ADAM10: variants seen among roughly 807,000 people sequenced by gnomAD.
The protein encoded by ADAM10 is disintegrin and metalloproteinase domain-containing protein 10.
A neutral mutation model predicts 90.1 loss-of-function variants in ADAM10; 17 were observed. The ratio of observed to expected loss-of-function variants is 0.19; its 90% confidence interval spans 0.13 to 0.28. The LOEUF is 0.28. Among genes scored for constraint, ADAM10 ranks in the 10% least tolerant of loss-of-function variants. ADAM10 has a pLI of 1.00. For missense variants in ADAM10, 610 were observed against 914.3 expected (o/e 0.67, Z 4.29); for synonymous variants, 310 against 298.6 (o/e 1.04, Z -0.40).
rs371444896 is a variant in ADAM10 at position 58,644,523 on chromosome 15, C to G, written c.736-545G>C. On this transcript the variant is annotated intron_variant, in intron 6 of 15. Transcript: ENST00000260408. ...GCATTACAGGCATGAGCCACCACAA[C>G]TGGCCTAAACATATACTCTTGTTTC... is the stretch of plus-strand genomic sequence containing the variant. 7.0e-4 allele frequency among the ~76,000 whole-genome samples: 106 copies of G among 152,332 alleles called. 2 individuals carry two copies. The Middle Eastern group carries it at 0.017, about 24-fold the overall frequency.
At chr15:58,664,675 T>C (rs1242079243) in intron 5 of ADAM10, among the ~76,000 whole-genome samples, 1 of 152,092 alleles carries the variant, frequency 6.6e-6, no homozygotes, top group Non-Finnish European at 1.5e-5. Context: ...AAAAAATAAT[T>C]AAAATACGAA....
intron 15 of ADAM10, among the ~76,000 whole-genome samples, chr15:58,599,038 A>G (rs1219064247): frequency 6.6e-6 from 1 of 152,160 alleles, no homozygotes; most frequent in Admixed American, 6.5e-5. Flanking sequence ...TAAAAACGAT[A>G]AGAGAGCTGG....
chr15:58,688,708 T>C (rs1467099479), intron 2 of ADAM10, among the ~76,000 whole-genome samples: 1 of 140,162 alleles, frequency 7.1e-6, no homozygotes, highest in Non-Finnish European at 1.5e-5. Flanking sequence ...GGGAAAGGAA[T>C]GAGAGGGGAG....
chr15:58,738,978 C>A (rs1899516609), intron 1 of ADAM10, among the ~76,000 whole-genome samples: 1 of 152,140 alleles, frequency 6.6e-6, no homozygotes. Flanking sequence ...CCACTCCCTG[C>A]ATTTCATCTT....
chr15:58,590,305 C>T lies in ADAM10; in HGVS notation c.*7242G>A, dbSNP rs1015748131. The T allele has an allele frequency of 4.6e-5, 7 of 152,222 alleles. No individual in the cohort carries two copies. The highest frequency in any genetic ancestry group is 8.8e-5 in the Non-Finnish European group (6 of 68,054). The allele number at this position is 152,222 out of a possible 1,614,324, so 9.4% of individuals were successfully genotyped here. A position where few individuals can be genotyped will look rare whatever the true frequency, so the allele number is the denominator to read the frequency against. ...AGCATGTATCACAGCTGGAATTGTA[C>T]ATTTATTCACATGATTATCTGATAT... On this transcript the variant is annotated 3_prime_UTR_variant, in exon 16 of 16. Transcript: ENST00000260408.
chr15:58,660,027 C>T (rs1441517521), intron 5 of ADAM10, among the ~76,000 whole-genome samples: 3 of 152,100 alleles, frequency 2.0e-5, no homozygotes, highest in East Asian at 1.9e-4. Context: ...TACGCCTGGC[C>T]GTTCTCTCTT....
intron 5 of ADAM10, among the ~76,000 whole-genome samples, chr15:58,658,801 C>A (rs1021590333): frequency 4.7e-4 from 71 of 152,234 alleles, no homozygotes; most frequent in African/African-American, 1.6e-3. Context: ...TAGAATACGA[C>A]TGATTATACC....
intron 1 of ADAM10, among the ~76,000 whole-genome samples, chr15:58,727,132 G>A (rs926701726): frequency 6.8e-6 from 1 of 146,086 alleles, no homozygotes; most frequent in Non-Finnish European, 1.5e-5. Context: ...TTAGCCTTCT[G>A]AGTAACTGGA....
At chr15:58,619,701 G>A (rs893904385) in intron 11 of ADAM10, among the ~76,000 whole-genome samples, 10 of 151,906 alleles carry the variant, frequency 6.6e-5, no homozygotes, top group African/African-American at 2.2e-4. Flanking sequence ...TCAGGAGATC[G>A]AGACCACCTT....
At chr15:58,611,713 T>A (rs1895443296) in intron 12 of ADAM10, 95 bp downstream of exon 12, 1 of 1,196,868 alleles carries the variant, frequency 8.4e-7, no homozygotes, top group African/African-American at 1.5e-5. Context: ...AGACCAAGAT[T>A]AATTACTTTA....
rs1894974285 is a variant in ADAM10 at position 58,597,102 on chromosome 15, A to G, written c.*445T>C. ...AAGAAATACATGTCTGCATATAACAAGGTATGTACATTGGCAAGTGATGTC... is the reference window on the plus strand; with the variant it reads ...AAGAAATACATGTCTGCATATAACAGGGTATGTACATTGGCAAGTGATGTC... On this transcript the variant is annotated 3_prime_UTR_variant, in exon 16 of 16. Transcript: ENST00000260408. The G allele has an allele frequency of 6.1e-6, 2 of 328,960 alleles. No homozygotes were observed. Among genetic ancestry groups the G allele is most frequent in the South Asian group, 3.6e-5 (1 of 28,112 alleles). The allele number at this position is 328,960 out of a possible 1,614,324, so 20.4% of individuals were successfully genotyped here.
At chr15:58,637,261 G>A (rs1460851019) in intron 8 of ADAM10, among the ~76,000 whole-genome samples, 3 of 152,182 alleles carry the variant, frequency 2.0e-5, no homozygotes, top group African/African-American at 7.2e-5. Flanking sequence ...ACAAATAGAG[G>A]AGTACTGAAG....
intron 5 of ADAM10, among the ~76,000 whole-genome samples, chr15:58,647,254 T>TTTTGTTG (rs1566979060): frequency 1.1e-5 from 1 of 88,188 alleles, no homozygotes; most frequent in African/African-American, 4.1e-5. Context: ...AAGTATTTTT[T>TTTTGTTG]TTTTTTTTTT....
chr15:58,698,445 G>A (rs775227441), intron 2 of ADAM10: 130 of 311,256 alleles, frequency 4.2e-4, no homozygotes, highest in Non-Finnish European at 6.9e-4. Context: ...GCATATTGGC[G>A]TGAACCTGTA....
At chr15:58,618,155 G>A (rs570758943) in intron 11 of ADAM10, among the ~76,000 whole-genome samples, 24 of 152,238 alleles carry the variant, frequency 1.6e-4, no homozygotes, top group Admixed American at 1.4e-3. Flanking sequence ...AAAACAGCAT[G>A]ATACTGACAT....
At chr15:58,719,629 G>A (rs1453657144) in intron 1 of ADAM10, among the ~76,000 whole-genome samples, 1 of 152,146 alleles carries the variant, frequency 6.6e-6, no homozygotes, top group Non-Finnish European at 1.5e-5. Flanking sequence ...TCTAAGATTT[G>A]TTAGACAACA....
intron 10 of ADAM10, 85 bp downstream of exon 10, chr15:58,627,615 T>C: frequency 1.7e-6 from 2 of 1,170,404 alleles, no homozygotes; most frequent in African/African-American, 1.5e-5. Flanking sequence ...AGGTGGTGGG[T>C]ATGTCAGTAA....
At chr15:58,648,932 T>C (rs1262421390) in intron 5 of ADAM10, among the ~76,000 whole-genome samples, 1 of 152,146 alleles carries the variant, frequency 6.6e-6, no homozygotes. Flanking sequence ...GCTGTTTTAC[T>C]TTCCATCTTT....
intron 5 of ADAM10, among the ~76,000 whole-genome samples, chr15:58,660,765 G>A (rs369807346): frequency 1.3e-5 from 2 of 151,664 alleles, no homozygotes; most frequent in South Asian, 2.1e-4. Context: ...TTCAATGGTT[G>A]CTCCAAGGGC....
Sources: gnomAD v4.1 joint callset for allele counts (sites outside exome capture counted in the v4.1 genomes callset) on GRCh38, gnomAD v4.1.1 for gene constraint, MANE v1.5 for transcripts, NCBI Gene and HGNC (gene_info 2026-07-23, HGNC 2026-07-21) for gene names.